BNC2: variants seen among roughly 807,000 people sequenced by gnomAD.
The protein encoded by BNC2 is zinc finger protein basonuclin-2.
BNC2 carries 20 observed loss-of-function variants against 76.3 expected under a neutral mutation model. The observed-to-expected ratio is 0.26, with a 90% CI of 0.18 to 0.38. The LOEUF is 0.38. Ranked by LOEUF, BNC2 falls within the 10% of genes least tolerant of loss-of-function variation. The pLI, the probability that BNC2 is intolerant of heterozygous loss-of-function variation, is 1.00. For missense variants in BNC2, 1,382 were observed against 1,399.8 expected, an observed-to-expected ratio of 0.99 and a Z score of 0.20; for synonymous variants, 582 against 514.8, an observed-to-expected ratio of 1.13 and a Z score of -1.77.
intron 5 of BNC2, among the ~76,000 whole-genome samples, chr9:16,508,909 C>A (rs542156050): frequency 6.6e-6 from 1 of 151,752 alleles, no homozygotes; most frequent in East Asian, 1.9e-4. Flanking sequence ...TAACCTCGAA[C>A]TTCTGAGCCC....
chr9:16,676,901 ATTTGT>A (rs1472294629), intron 3 of BNC2, among the ~76,000 whole-genome samples: 2 of 152,230 alleles, frequency 1.3e-5, no homozygotes, highest in East Asian at 1.9e-4. Context: ...TCATTTTCTT[ATTTGT>A]TTTGAGAAAC....
intron 2 of BNC2, among the ~76,000 whole-genome samples, chr9:16,733,341 T>C (rs1207135955): frequency 2.6e-5 from 4 of 152,206 alleles, no homozygotes; most frequent in African/African-American, 7.2e-5. Context: ...ATCCTTACTT[T>C]ATTGTGTAAA....
chr9:16,544,611 A>G (rs924985696), intron 5 of BNC2, among the ~76,000 whole-genome samples: 3 of 152,000 alleles, frequency 2.0e-5, no homozygotes, highest in Non-Finnish European at 4.4e-5. Flanking sequence ...TGAGGTCAGG[A>G]GTTTGAGACC....
chr9:16,679,825 CAG>C (rs1822769555), intron 3 of BNC2, among the ~76,000 whole-genome samples: 1 of 152,248 alleles, frequency 6.6e-6, no homozygotes, highest in South Asian at 2.1e-4. Flanking sequence ...TGGCTCCTGC[CAG>C]AGGAGTTCCT....
chr9:16,601,118 T>C (rs1820232605), intron 3 of BNC2, among the ~76,000 whole-genome samples: 1 of 152,138 alleles, frequency 6.6e-6, no homozygotes, highest in South Asian at 2.1e-4. Flanking sequence ...ATGAACCAAA[T>C]GTCTCCACTT....
At chr9:16,620,038 C>A (rs1820821420) in intron 3 of BNC2, among the ~76,000 whole-genome samples, 1 of 152,060 alleles carries the variant, frequency 6.6e-6, no homozygotes, top group African/African-American at 2.4e-5. Context: ...AGATCAGGCT[C>A]CAAACAAAAA....
intron 3 of BNC2, among the ~76,000 whole-genome samples, chr9:16,674,731 G>A (rs942640594): frequency 6.6e-6 from 1 of 152,104 alleles, no homozygotes; most frequent in African/African-American, 2.4e-5. Context: ...TGTAAACATA[G>A]TACCATACCC....
At chr9:16,659,505 G>A (rs1439453354) in intron 3 of BNC2, among the ~76,000 whole-genome samples, 1 of 151,926 alleles carries the variant, frequency 6.6e-6, no homozygotes, top group African/African-American at 2.4e-5. Flanking sequence ...CTACTCGGGA[G>A]GCTGAGGCAG....
intron 3 of BNC2, chr9:16,665,106 C>T (rs1296070324): frequency 1.5e-5 from 7 of 455,552 alleles, no homozygotes; most frequent in South Asian, 4.7e-5. Flanking sequence ...CAGTGGCTCA[C>T]GCCTGTAATC....
At chr9:16,730,318 T>C (rs906922195) in intron 2 of BNC2, among the ~76,000 whole-genome samples, 6 of 152,188 alleles carry the variant, frequency 3.9e-5, no homozygotes, top group African/African-American at 1.4e-4. Context: ...ATCAGCCACA[T>C]TATCAGTGTT....
At chr9:16,782,333 T>G (rs191553497) in intron 1 of BNC2, among the ~76,000 whole-genome samples, 77 of 151,970 alleles carry the variant, frequency 5.1e-4, no homozygotes, top group Non-Finnish European at 2.8e-4. Flanking sequence ...TATAATTAAA[T>G]TTTTTTAGAA....
chr9:16,517,659 G>A (rs1418322475), intron 5 of BNC2, among the ~76,000 whole-genome samples: 5 of 152,116 alleles, frequency 3.3e-5, no homozygotes, highest in Non-Finnish European at 7.4e-5. Context: ...ATTTACAAGA[G>A]CATAAAGTTC....
chr9:16,780,249 A>ACAAC (rs1554729473), intron 1 of BNC2, among the ~76,000 whole-genome samples: 1 of 132,028 alleles, frequency 7.6e-6, no homozygotes, highest in African/African-American at 3.5e-5. Flanking sequence ...AAAAAAAAAA[A>ACAAC]AAAAAAACAA....
At chr9:16,453,403 C>G (rs1384585176) in intron 5 of BNC2, among the ~76,000 whole-genome samples, 2 of 152,172 alleles carry the variant, frequency 1.3e-5, no homozygotes, top group African/African-American at 4.8e-5. Flanking sequence ...TCAATGTCCT[C>G]TCCTACTTTA....
At chr9:16,460,404 C>T (rs1821549548) in intron 5 of BNC2, among the ~76,000 whole-genome samples, 1 of 152,048 alleles carries the variant, frequency 6.6e-6, no homozygotes, top group Admixed American at 6.5e-5. Context: ...GGGTGGATTG[C>T]TTGAGGCCAG....
At chr9:16,864,097 A>T (rs533822339) in intron 1 of BNC2, among the ~76,000 whole-genome samples, 1 of 152,312 alleles carries the variant, frequency 6.6e-6, no homozygotes, top group Non-Finnish European at 1.5e-5. Flanking sequence ...ATGATTTGAA[A>T]ATGACCACAT....
At chr9:16,485,249 T>C (rs890143480) in intron 5 of BNC2, among the ~76,000 whole-genome samples, 3 of 152,182 alleles carry the variant, frequency 2.0e-5, no homozygotes, top group Admixed American at 6.5e-5. Context: ...ACAATTGTTC[T>C]GAATTGGAAA....
intron 3 of BNC2, chr9:16,726,964 C>T (rs1317882456): frequency 1.3e-5 from 2 of 152,234 alleles, no homozygotes; most frequent in Non-Finnish European, 2.9e-5. Context: ...TGGTACGAGC[C>T]GCCGGCTCCG....
At chr9:16,449,172 G>A (rs1050722338) in intron 5 of BNC2, among the ~76,000 whole-genome samples, 1 of 152,164 alleles carries the variant, frequency 6.6e-6, no homozygotes, top group African/African-American at 2.4e-5. Flanking sequence ...AACGGCGTCT[G>A]CGTGCCTTAA....
Sources: gnomAD v4.1 joint callset for allele counts (sites outside exome capture counted in the v4.1 genomes callset) on GRCh38, gnomAD v4.1.1 for gene constraint, MANE v1.5 for transcripts, NCBI Gene and HGNC (gene_info 2026-07-23, HGNC 2026-07-21) for gene names.